PDE4B: variants seen among roughly 807,000 people sequenced by gnomAD.
The protein encoded by PDE4B is 3',5'-cyclic-AMP phosphodiesterase 4B.
In PDE4B, 20 loss-of-function variants were observed where a neutral mutation model predicts 82.2. The ratio of observed to expected loss-of-function variants is 0.24; its 90% CI spans 0.17 to 0.35. The LOEUF is 0.35. PDE4B is among the 10% of genes least tolerant of loss of function. PDE4B has a pLI of 1.00. For synonymous variants in PDE4B, 320 were observed against 318.9 expected (o/e 1.00, Z -0.04); for missense variants, 655 against 907.2 (o/e 0.72, Z 3.57).
chr1:66,067,475 A>G (rs539414422), intron 3 of PDE4B, among the ~76,000 whole-genome samples: 2 of 152,268 alleles, frequency 1.3e-5, no homozygotes, highest in African/African-American at 2.4e-5. Context: ...TTTTGGCTGC[A>G]TAAGTGTCTT....
chr1:66,024,755 C>A (rs772918952), intron 3 of PDE4B, among the ~76,000 whole-genome samples: 1 of 151,916 alleles, frequency 6.6e-6, no homozygotes, highest in Non-Finnish European at 1.5e-5. Flanking sequence ...ATGGTAAACT[C>A]TTGATATATA....
At chr1:66,102,728 C>A (rs1645252326) in intron 3 of PDE4B, among the ~76,000 whole-genome samples, 1 of 152,046 alleles carries the variant, frequency 6.6e-6, no homozygotes, top group Non-Finnish European at 1.5e-5. Context: ...AGATCTACTT[C>A]TTCAATTTCC....
At chr1:65,964,849 G>A (rs1378988432) in intron 3 of PDE4B, among the ~76,000 whole-genome samples, 1 of 152,094 alleles carries the variant, frequency 6.6e-6, no homozygotes, top group East Asian at 1.9e-4. Context: ...ATGTGTGTGT[G>A]TGTATTACAT....
At chr1:66,171,450 G>A (rs1646834711) in intron 3 of PDE4B, among the ~76,000 whole-genome samples, 1 of 151,994 alleles carries the variant, frequency 6.6e-6, no homozygotes, top group African/African-American at 2.4e-5. Context: ...TCAGACTTTT[G>A]ATATATAACT....
intron 3 of PDE4B, among the ~76,000 whole-genome samples, chr1:66,247,153 C>T (rs575083082): frequency 7.2e-5 from 11 of 152,236 alleles, no homozygotes; most frequent in Admixed American, 7.2e-4. Flanking sequence ...CGAATTTGTC[C>T]AAGTTACTCA....
At chr1:66,341,414 CT>C (rs1334920650) in intron 8 of PDE4B, among the ~76,000 whole-genome samples, 5 of 152,110 alleles carry the variant, frequency 3.3e-5, no homozygotes, top group African/African-American at 1.2e-4. Flanking sequence ...ATTTACGTTT[CT>C]TGAGTAAAAG....
At chr1:66,188,970 T>G (rs1014812316) in intron 3 of PDE4B, among the ~76,000 whole-genome samples, 68 of 152,326 alleles carry the variant, frequency 4.5e-4, no homozygotes, top group African/African-American at 1.5e-3. Flanking sequence ...CAGTGGCTGG[T>G]ACCAGTTTTT....
intron 1 of PDE4B, among the ~76,000 whole-genome samples, chr1:65,866,063 C>T: frequency 6.6e-6 from 1 of 152,278 alleles, no homozygotes; most frequent in South Asian, 2.1e-4. Context: ...ACAGCTTTAT[C>T]AGTATGAAAG....
Position 65,930,986 on chromosome 1 carries a change from A to G in PDE4B, c.281+12151A>G, listed in dbSNP as rs150772417. Among the ~76,000 whole-genome samples the G allele has an allele frequency of 6.9e-3, 1,044 of 152,298 alleles. 2 individuals carry two copies. Among genetic ancestry groups the G allele is most frequent in the Non-Finnish European group, 0.011 (729 of 68,012 alleles). On this transcript the variant is annotated intron_variant, in intron 3 of 16. Transcript: ENST00000341517. Reference sequence around the variant, plus strand: ...TTCAATTGTAATCCCCAATGTTGGAAGTGGGACCTGGTGGGAGGTGATTGG... The same window carrying G: ...TTCAATTGTAATCCCCAATGTTGGAGGTGGGACCTGGTGGGAGGTGATTGG...
chr1:66,155,607 A>C (rs1233520410), intron 3 of PDE4B, among the ~76,000 whole-genome samples: 1 of 151,218 alleles, frequency 6.6e-6, no homozygotes, highest in Non-Finnish European at 1.5e-5. Context: ...TTATATATAC[A>C]TATTTATATA....
At chr1:66,366,687 A>G (rs1663275670) in intron 13 of PDE4B, among the ~76,000 whole-genome samples, 1 of 152,328 alleles carries the variant, frequency 6.6e-6, no homozygotes, top group Middle Eastern at 3.4e-3. Flanking sequence ...ACATGTCTGC[A>G]TGGATTGTAT....
chr1:66,191,919 T>TG (rs1557622807), intron 3 of PDE4B, among the ~76,000 whole-genome samples: 1 of 152,116 alleles, frequency 6.6e-6, no homozygotes, highest in Non-Finnish European at 1.5e-5. Flanking sequence ...GAGAATAGTA[T>TG]GGGGGAAAAC....
intron 4 of PDE4B, among the ~76,000 whole-genome samples, chr1:66,251,599 G>A (rs1475506743): frequency 6.6e-6 from 1 of 152,176 alleles, no homozygotes; most frequent in Non-Finnish European, 1.5e-5. Flanking sequence ...ATAAGGGCAG[G>A]CATAGAGAGC....
intron 3 of PDE4B, among the ~76,000 whole-genome samples, chr1:66,198,516 A>C (rs1234845899): frequency 1.3e-5 from 2 of 152,162 alleles, no homozygotes; most frequent in African/African-American, 2.4e-5. Context: ...CTACAATAGA[A>C]ATACATGTGT....
At chr1:66,322,626 G>T (rs1246060719) in intron 7 of PDE4B, among the ~76,000 whole-genome samples, 1 of 152,030 alleles carries the variant, frequency 6.6e-6, no homozygotes, top group African/African-American at 2.4e-5. Context: ...TCTCACGCCA[G>T]TTAGAATGGT....
chr1:66,177,055 A>G (rs924138270), intron 3 of PDE4B, among the ~76,000 whole-genome samples: 1 of 152,210 alleles, frequency 6.6e-6, no homozygotes, highest in Admixed American at 6.5e-5. Flanking sequence ...TGAGGTCCCG[A>G]GGAGAGCTAG....
intron 1 of PDE4B, among the ~76,000 whole-genome samples, chr1:65,838,357 T>C (rs1368130611): frequency 6.6e-6 from 1 of 151,946 alleles, no homozygotes; most frequent in Non-Finnish European, 1.5e-5. Flanking sequence ...ATAAAAACTA[T>C]AGTAGAAACA....
chr1:65,954,162 G>T (rs1569804301), intron 3 of PDE4B, among the ~76,000 whole-genome samples: 1 of 152,242 alleles, frequency 6.6e-6, no homozygotes, highest in Admixed American at 6.5e-5. Flanking sequence ...CTCCCAAAAA[G>T]CTAGGATTAC....
intron 4 of PDE4B, 128 bp from the exon 5 acceptor site, chr1:66,257,517 TTA>T: frequency 1.0e-6 from 1 of 963,094 alleles, no homozygotes; most frequent in African/African-American, 1.6e-5. Flanking sequence ...GAGTCCTGTC[TTA>T]TATCCAGGTA....
Sources: allele counts gnomAD v4.1 joint callset (sites outside exome capture counted in the v4.1 genomes callset), GRCh38; gene constraint gnomAD v4.1.1; transcripts MANE v1.5; gene names NCBI Gene and HGNC (gene_info 2026-07-23, HGNC 2026-07-21).